The following TPST1 variants were observed in gnomAD, a reference collection of about 807,000 sequenced individuals.
The protein encoded by TPST1 is protein-tyrosine sulfotransferase 1.
A neutral mutation model predicts 34.8 loss-of-function variants in TPST1; 20 were observed. That is an observed-to-expected ratio of 0.57 (90% CI 0.40 to 0.84). The LOEUF is 0.84. Ranked by LOEUF, TPST1 falls within the 40% of genes least tolerant of loss-of-function variation. The pLI, the probability that TPST1 is intolerant of heterozygous loss-of-function variation, is 0.00. For missense variants in TPST1, 353 were observed against 455.5 expected (o/e 0.78, Z 2.05); for synonymous variants, 152 against 159.4 (o/e 0.95, Z 0.35).
chr7:66,300,766 C>G (rs1024850880), intron 3 of TPST1, among the ~76,000 whole-genome samples: 3 of 151,894 alleles, frequency 2.0e-5, no homozygotes, highest in Non-Finnish European at 4.4e-5. Flanking sequence ...GCCAACATGG[C>G]GAAACTCCAT....
At chr7:66,358,070 G>A (rs867715173) in intron 5 of TPST1, among the ~76,000 whole-genome samples, 4 of 151,910 alleles carry the variant, frequency 2.6e-5, no homozygotes, top group Middle Eastern at 3.4e-3. Context: ...GGTGACAAGA[G>A]AGAGACTTCG....
chr7:66,264,268 G>A (rs1025491625), intron 2 of TPST1, among the ~76,000 whole-genome samples: 3 of 152,204 alleles, frequency 2.0e-5, no homozygotes, highest in African/African-American at 4.8e-5. Flanking sequence ...GAGCCTAGGA[G>A]CAGAGATTGG....
Position 66,360,002 on chromosome 7 carries a change from G to C in TPST1, c.*137G>C, listed in dbSNP as rs1392694631. ...GGCTGCGCCGCCTGTGCATTTGCCA[G>C]TTTCCTCCCACTGAGAGGATGGAGG... On this transcript the variant is annotated 3_prime_UTR_variant, in exon 6 of 6. Coordinates refer to ENST00000304842, the MANE Select transcript of TPST1 (RefSeq NM_003596.4). 5 of 456,276 alleles carry C rather than the reference G, an allele frequency of 1.1e-5. No homozygotes were observed. The highest frequency in any genetic ancestry group is 2.0e-5 in the African/African-American group (1 of 50,084). 28.3% of individuals were successfully genotyped at this position (456,276 alleles called of 1,614,324 possible). A position where few individuals can be genotyped will look rare whatever the true frequency, so the allele number is the denominator to read the frequency against.
intron 3 of TPST1, among the ~76,000 whole-genome samples, chr7:66,295,742 G>A (rs117813520): frequency 1.4e-4 from 22 of 152,298 alleles, no homozygotes; most frequent in Non-Finnish European, 2.6e-4. Context: ...CTGGGTTCAA[G>A]TGATGATTCT....
chr7:66,285,291 C>T (rs1791013026), intron 2 of TPST1, among the ~76,000 whole-genome samples: 1 of 152,058 alleles, frequency 6.6e-6, no homozygotes, highest in Non-Finnish European at 1.5e-5. Context: ...GTAAACTGGA[C>T]CTGTCCTGGG....
chr7:66,298,367 T>C (rs764856240), intron 3 of TPST1, among the ~76,000 whole-genome samples: 6 of 152,208 alleles, frequency 3.9e-5, no homozygotes, highest in Admixed American at 6.5e-5. Context: ...AAGAAGTAAC[T>C]CTTTTGTAAT....
At chr7:66,284,716 C>G (rs1328155625) in intron 2 of TPST1, among the ~76,000 whole-genome samples, 1 of 152,046 alleles carries the variant, frequency 6.6e-6, no homozygotes, top group East Asian at 1.9e-4. Flanking sequence ...ACCACCACAC[C>G]TGGCTAATTT....
intron 2 of TPST1, among the ~76,000 whole-genome samples, chr7:66,249,965 G>A (rs541419685): frequency 9.8e-5 from 15 of 152,302 alleles, no homozygotes; most frequent in African/African-American, 3.6e-4. Flanking sequence ...TTGGCAAATG[G>A]AAAAGGGTTG....
intron 3 of TPST1, among the ~76,000 whole-genome samples, chr7:66,309,113 G>A (rs559377257): frequency 1.1e-4 from 16 of 152,144 alleles, no homozygotes; most frequent in South Asian, 2.1e-4. Flanking sequence ...GGTCAGGCTG[G>A]TCTTGGAACT....
At chr7:66,241,404 G>A in intron 2 of TPST1, 134 bp downstream of exon 2, 1 of 1,047,244 alleles carries the variant, frequency 9.5e-7, no homozygotes, top group Non-Finnish European at 1.3e-6. Flanking sequence ...GACCTTTTCT[G>A]GAACAGATAC....
At chr7:66,326,087 C>T (rs1791861125) in intron 3 of TPST1, among the ~76,000 whole-genome samples, 1 of 152,164 alleles carries the variant, frequency 6.6e-6, no homozygotes, top group African/African-American at 2.4e-5. Context: ...TTTTTATGTT[C>T]AATCTATGCT....
intron 1 of TPST1, among the ~76,000 whole-genome samples, chr7:66,226,123 G>A (rs553987980): frequency 1.3e-5 from 2 of 152,046 alleles, no homozygotes; most frequent in East Asian, 1.9e-4. Flanking sequence ...TCCTGACCTC[G>A]TGATCCGCCC....
intron 3 of TPST1, among the ~76,000 whole-genome samples, chr7:66,305,205 T>A (rs1258816213): frequency 1.3e-5 from 2 of 152,206 alleles, no homozygotes; most frequent in Non-Finnish European, 2.9e-5. Context: ...TATATATTCA[T>A]ATCAAAGCAA....
intron 5 of TPST1, among the ~76,000 whole-genome samples, chr7:66,358,327 GTTTT>G (rs199803598): frequency 7.2e-6 from 1 of 139,028 alleles, no homozygotes; most frequent in African/African-American, 2.6e-5. Flanking sequence ...GCTGACCTTT[GTTTT>G]TTTTTTTTAT....
intron 3 of TPST1, among the ~76,000 whole-genome samples, chr7:66,348,651 C>T (rs1018153488): frequency 2.0e-5 from 3 of 152,126 alleles, no homozygotes; most frequent in Admixed American, 6.5e-5. Flanking sequence ...ATTCAGATGT[C>T]CAGAAACATT....
At position 66,241,148 on chromosome 7, in the gene TPST1, A is replaced by T; in HGVS notation, c.723A>T (p.Gln241His). ...AGTGCATGTTGGTTCACTATGAACA[A>T]CTTGTCTTACATCCTGAACGGTGGA... is the stretch of plus-strand genomic sequence containing the variant. ...YKKCMLVHYE[Q>H]LVLHPERWMR... The change falls in exon 2 of 6, where the codon CAA becomes CAT. Residue 241 changes from glutamine (Q) to histidine (H), a missense_variant. Transcript: ENST00000304842. 1 of 1,614,234 alleles carries T rather than the reference A, an allele frequency of 6.2e-7. No homozygotes were observed. The highest frequency in any genetic ancestry group is 8.5e-7 in the Non-Finnish European group (1 of 1,180,038).
At chr7:66,208,915 T>G (rs1789187639) in intron 1 of TPST1, among the ~76,000 whole-genome samples, 1 of 152,230 alleles carries the variant, frequency 6.6e-6, no homozygotes, top group Non-Finnish European at 1.5e-5. Flanking sequence ...AAACTAAGTT[T>G]TCAGAAGAGC....
At chr7:66,331,275 A>G (rs1456535739) in intron 3 of TPST1, among the ~76,000 whole-genome samples, 1 of 152,206 alleles carries the variant, frequency 6.6e-6, no homozygotes, top group Non-Finnish European at 1.5e-5. Context: ...GTAACATCCC[A>G]TCACTTTTGC....
chr7:66,217,984 A>G (rs1322149489), intron 1 of TPST1, among the ~76,000 whole-genome samples: 1 of 152,076 alleles, frequency 6.6e-6, no homozygotes, highest in African/African-American at 2.4e-5. Context: ...GATTCAAGCA[A>G]TTCTCCTGCC....
Sources: allele counts gnomAD v4.1 joint callset (sites outside exome capture counted in the v4.1 genomes callset), GRCh38; gene constraint gnomAD v4.1.1; transcripts MANE v1.5; gene names NCBI Gene and HGNC (gene_info 2026-07-23, HGNC 2026-07-21).